The following UBALD1 variants were observed in gnomAD, a reference collection of about 807,000 sequenced individuals.
UBALD1 encodes the protein UBA-like domain-containing protein 1.
A neutral mutation model predicts 16.1 loss-of-function variants in UBALD1; 5 were observed. That is an observed-to-expected ratio of 0.31 (90% CI 0.16 to 0.66). The LOEUF is 0.66. Among genes scored for constraint, UBALD1 ranks in the 30% least tolerant of loss-of-function variants. The pLI is 0.77. For missense variants in UBALD1, 220 were observed against 252.8 expected, an observed-to-expected ratio of 0.87 and a Z score of 0.88; for synonymous variants, 146 against 105.3, an observed-to-expected ratio of 1.39 and a Z score of -2.37.
chr16:4,609,769 C>A lies in UBALD1; in HGVS notation c.398G>T (p.Gly133Val). 1 of 1,503,240 alleles carries A rather than the reference C, an allele frequency of 6.7e-7. No homozygotes were observed. Among genetic ancestry groups the A allele is most frequent in the Non-Finnish European group, 8.9e-7 (1 of 1,129,612 alleles). The allele number at this position is 1,503,240 out of a possible 1,614,324, so 93.1% of individuals were successfully genotyped here. A position where few individuals can be genotyped will look rare whatever the true frequency, so the allele number is the denominator to read the frequency against. ...CGGCTGTGGCTGGTGGTGCTGTGGG[C>A]CCCCCGGGGGCGAGGCCGCCGTGGG... ...SWPTAASPPG[G>V]PQHHQPQPPL... Residue 133 changes from glycine (G) to valine (V), a missense_variant, in exon 3 of 3, where the codon GGC becomes GTC. Gly to Val is a moderately radical substitution (Grantham distance 109). This residue lies in a region of UBALD1 where 151 missense variants were observed against 132.6 expected (regional missense o/e 1.14). Coordinates refer to ENST00000283474, the MANE Select transcript of UBALD1 (RefSeq NM_145253.3).
In UBALD1 at chr16:4,609,687, G is replaced by C. The variant is rs779311794; in HGVS notation, c.480C>G (p.Pro160=). 1.4e-6 allele frequency: 2 copies of C among 1,471,748 alleles called. No homozygotes were observed. Among genetic ancestry groups the C allele is most frequent in the East Asian group, 2.5e-5 (1 of 40,272 alleles). 91.2% of individuals were successfully genotyped at this position (1,471,748 alleles called of 1,614,324 possible). Residue 160 remains proline, a synonymous_variant, in exon 3 of 3, where the codon CCC becomes CCG. Transcript: ENST00000283474. ...SPASDWPPLA[P]QQATSEPRAH... ...CCCTGGGTTCTGAGGTGGCCTGTTG[G>C]GGGGCCAGGGGTGGCCAGTCTGAAG...
intron 1 of UBALD1, 25 bp from the exon 2 acceptor site, chr16:4,610,580 A>G: frequency 6.3e-7 from 1 of 1,576,050 alleles, no homozygotes; most frequent in South Asian, 1.2e-5. Flanking sequence ...GCCCCTGCTC[A>G]CCCTCCAGGC....
At chr16:4,610,307 G>A (rs1205328506) in intron 2 of UBALD1, 186 bp downstream of exon 2, 3 of 721,764 alleles carry the variant, frequency 4.2e-6, no homozygotes, top group Middle Eastern at 2.3e-4. Context: ...GTCTCAGGGG[G>A]AGCTGGCACA....
intron 1 of UBALD1, chr16:4,614,469 C>T (rs1386770131): frequency 6.6e-6 from 5 of 755,306 alleles, no homozygotes; most frequent in Non-Finnish European, 9.4e-6. Context: ...GCGGCGTATC[C>T]CCGACCGGTG....
chr16:4,611,915 G>A (rs541378308), intron 1 of UBALD1, among the ~76,000 whole-genome samples: 1 of 152,052 alleles, frequency 6.6e-6, no homozygotes, highest in Admixed American at 6.5e-5. Flanking sequence ...GCTTCAAGCC[G>A]CCGAGGTGCC....
chr16:4,610,319 G>T, intron 2 of UBALD1, 174 bp downstream of exon 2: 2 of 744,996 alleles, frequency 2.7e-6, no homozygotes, highest in Non-Finnish European at 4.6e-6. Context: ...GCTGGCACAG[G>T]CAAGATTAAG....
chr16:4,614,264 G>A (rs957311040), intron 1 of UBALD1: 38 of 350,736 alleles, frequency 1.1e-4, no homozygotes, highest in Non-Finnish European at 1.6e-4. Flanking sequence ...CCAGGCACGC[G>A]GACCCTCGGA....
intron 2 of UBALD1, chr16:4,610,197 G>T: frequency 4.2e-6 from 3 of 712,416 alleles, no homozygotes; most frequent in Non-Finnish European, 7.6e-6. Context: ...GGTGCCTGGG[G>T]CCACGAGGCT....
chr16:4,610,661 T>G (rs1291146223), intron 1 of UBALD1, 106 bp from the exon 2 acceptor site: 1 of 1,307,410 alleles, frequency 7.6e-7, no homozygotes, highest in African/African-American at 1.5e-5. Flanking sequence ...GCTGGACTGC[T>G]GAGTGGGAGG....
At position 4,609,507 on chromosome 16, in the gene UBALD1, C is replaced by T. The variant is rs767299066; in HGVS notation, c.*126G>A. On this transcript the variant is annotated 3_prime_UTR_variant, in exon 3 of 3. Transcript: ENST00000283474. ...CGTGTCCCTGCCTGGCTAGAGTCCG[C>T]GCTCTCCCCTCCAGGGCTCCGGGGA... The T allele has an allele frequency of 3.6e-5, 16 of 449,048 alleles. No individual in the cohort carries two copies. The highest frequency in any genetic ancestry group is 6.0e-5 in the Non-Finnish European group (16 of 264,680). 27.8% of individuals were successfully genotyped at this position (449,048 alleles called of 1,614,324 possible).
In UBALD1 at chr16:4,609,616, G is replaced by A. The variant is rs772516296; in HGVS notation, c.*17C>T. On this transcript the variant is annotated 3_prime_UTR_variant, in exon 3 of 3. Coordinates refer to ENST00000283474, the MANE Select transcript of UBALD1 (RefSeq NM_145253.3). ...CCCCACGGGGTCCTGGCCTCCGGGA[G>A]GGGGGAGGGGCCTCCCTTATCTCTC... 9 of 1,189,916 alleles carry A rather than the reference G, an allele frequency of 7.6e-6. No individual in the cohort carries two copies. Among genetic ancestry groups the A allele is most frequent in the East Asian group, 5.5e-5 (2 of 36,502 alleles). The allele number at this position is 1,189,916 out of a possible 1,614,324, so 73.7% of individuals were successfully genotyped here. A position where few individuals can be genotyped will look rare whatever the true frequency, so the allele number is the denominator to read the frequency against.
chr16:4,610,052 G>A, intron 2 of UBALD1, 69 bp from the exon 3 acceptor site: 1 of 1,207,382 alleles, frequency 8.3e-7, no homozygotes, highest in South Asian at 1.3e-5. Context: ...GCCTCCCAAG[G>A]GGAGATGCGT....
At position 4,614,812 on chromosome 16, in the gene UBALD1, G is replaced by T. The variant is rs1897406048; in HGVS notation, c.-15C>A. The stretch of plus-strand genomic sequence containing the variant: ...TTCACGGACATGGCGCCGCCGCGCT[G>T]CCCGCTCCGGCCTCCCTCCTCCGCC... On this transcript the variant is annotated 5_prime_UTR_variant, in exon 1 of 3. Coordinates refer to ENST00000283474, the MANE Select transcript of UBALD1 (RefSeq NM_145253.3). 2 of 1,487,882 alleles carry T rather than the reference G, an allele frequency of 1.3e-6. No individual in the cohort carries two copies. The highest frequency in any genetic ancestry group is 1.3e-5 in the South Asian group (1 of 74,874). 92.2% of individuals were successfully genotyped at this position (1,487,882 alleles called of 1,614,324 possible).
chr16:4,614,306 C>A (rs981220889), intron 1 of UBALD1: 56 of 360,426 alleles, frequency 1.6e-4, no homozygotes, highest in Non-Finnish European at 2.1e-4. Flanking sequence ...GCCCTCCGGC[C>A]CAGCTCTGCC....
intron 1 of UBALD1, chr16:4,614,088 G>A (rs573851730): frequency 1.1e-4 from 19 of 165,392 alleles, no homozygotes; most frequent in African/African-American, 3.8e-4. Context: ...CCCGCCACAT[G>A]TGTACGCGTT....
Position 4,609,466 on chromosome 16 carries a change from G to A in UBALD1, c.*167C>T, listed in dbSNP as rs1378409219. 13 of 410,100 alleles carry A rather than the reference G, an allele frequency of 3.2e-5. No homozygotes were observed. Among genetic ancestry groups the A allele is most frequent in the African/African-American group, 1.4e-4 (7 of 48,690 alleles). The allele number at this position is 410,100 out of a possible 1,614,324, so 25.4% of individuals were successfully genotyped here. Reference sequence around the variant, plus strand: ...CATGACCTTGCGTGTGGGCAGCTGCGTGTTCTGGCACCAGACGTGTCCCTG... The same window carrying A: ...CATGACCTTGCGTGTGGGCAGCTGCATGTTCTGGCACCAGACGTGTCCCTG... On this transcript the variant is annotated 3_prime_UTR_variant, in exon 3 of 3. Transcript: ENST00000283474.
At chr16:4,610,058 T>A in intron 2 of UBALD1, 75 bp from the exon 3 acceptor site, 1 of 1,154,652 alleles carries the variant, frequency 8.7e-7, no homozygotes, top group Non-Finnish European at 1.3e-6. Context: ...CAAGGGGAGA[T>A]GCGTGGCTGG....
intron 1 of UBALD1, chr16:4,611,144 C>T (rs1309336805): frequency 1.2e-5 from 2 of 160,280 alleles, no homozygotes; most frequent in African/African-American, 4.8e-5. Flanking sequence ...CTTGGTTTCT[C>T]CATCTGTACC....
Position 4,614,681 on chromosome 16 carries a change from G to A in UBALD1, c.117C>T (p.Phe39=), listed in dbSNP as rs1385277615. The A allele has an allele frequency of 5.9e-6, 9 of 1,533,386 alleles. No homozygotes were observed. The highest frequency in any genetic ancestry group is 1.8e-4 in the Middle Eastern group (1 of 5,450). 95.0% of individuals were successfully genotyped at this position (1,533,386 alleles called of 1,614,324 possible). ...GCCCGGCTCCGGCGCCGCGCACCTC[G>A]AACTGCCAGTGGGCCGCCTGCAGCA... ...KQLLQAAHWQ[F]ETALSAFFQE... Residue 39 remains phenylalanine (F), a synonymous_variant, in exon 1 of 3, where the codon TTC becomes TTT. Coordinates refer to ENST00000283474, the MANE Select transcript of UBALD1 (RefSeq NM_145253.3).
Sources: gnomAD v4.1 joint callset for allele counts (sites outside exome capture counted in the v4.1 genomes callset) on GRCh38, gnomAD v4.1.1 for gene constraint, gnomAD v4.1.1 regional missense constraint, MANE v1.5 for transcripts, NCBI Gene and HGNC (gene_info 2026-07-23, HGNC 2026-07-21) for gene names.